The following AKAP19 variants were observed in gnomAD, a reference collection of about 807,000 sequenced individuals.
The protein encoded by AKAP19 is small A-kinase anchoring protein.
the AKAP19 span, among the ~76,000 whole-genome samples, chr2:189,893,053 C>G: frequency 6.6e-6 from 1 of 152,180 alleles, no homozygotes; most frequent in Non-Finnish European, 1.5e-5. Context: ...ATCGCCTACT[C>G]AAGCCTCAGT....
chr2:190,121,810 G>A, the AKAP19 span, among the ~76,000 whole-genome samples: 1 of 152,202 alleles, frequency 6.6e-6, no homozygotes, highest in Non-Finnish European at 1.5e-5. Context: ...AGAGCAGTAA[G>A]TATGTACTTA....
At chr2:190,162,790 A>G in the AKAP19 span, among the ~76,000 whole-genome samples, 1 of 151,258 alleles carries the variant, frequency 6.6e-6, no homozygotes, top group African/African-American at 2.5e-5. Context: ...CTTTGAGCAC[A>G]TGGAAGCAAT....
chr2:189,985,442 T>C, the AKAP19 span, among the ~76,000 whole-genome samples: 104,810 of 152,048 alleles, frequency 0.69, 37,068 homozygotes, highest in East Asian at 0.87. Context: ...CTTCAGCTGG[T>C]TGCAGAAGAA....
the AKAP19 span, among the ~76,000 whole-genome samples, chr2:190,135,014 C>T: frequency 3.3e-5 from 5 of 152,248 alleles, no homozygotes; most frequent in South Asian, 1.0e-3. Flanking sequence ...ACAGGGTCTT[C>T]ACTGAAGGCA....
the AKAP19 span, among the ~76,000 whole-genome samples, chr2:189,912,338 C>T: frequency 1.3e-5 from 2 of 151,960 alleles, no homozygotes; most frequent in African/African-American, 2.4e-5. Context: ...GCCAGGAGTT[C>T]GAGACCAGCC....
chr2:190,143,202 G>T, the AKAP19 span, among the ~76,000 whole-genome samples: 1 of 147,404 alleles, frequency 6.8e-6, no homozygotes, highest in South Asian at 2.2e-4. Context: ...ATAGTCTCTA[G>T]TCATGTGTAA....
the AKAP19 span, chr2:190,062,328 A>C: frequency 6.2e-7 from 1 of 1,613,382 alleles, no homozygotes. Context: ...CTGATCAATC[A>C]GTTCCCGGAG....
chr2:189,913,537 G>C, the AKAP19 span, among the ~76,000 whole-genome samples: 2 of 152,050 alleles, frequency 1.3e-5, no homozygotes, highest in African/African-American at 4.8e-5. Flanking sequence ...TTGTCATGCT[G>C]TAGGGAAGTG....
At chr2:190,047,632 A>G in the AKAP19 span, among the ~76,000 whole-genome samples, 423 of 152,340 alleles carry the variant, frequency 2.8e-3, 3 homozygotes, top group Middle Eastern at 0.024. Context: ...CTTGAACTCA[A>G]TGAATGGGTG....
chr2:189,989,291 GA>G, the AKAP19 span, among the ~76,000 whole-genome samples: 42 of 150,776 alleles, frequency 2.8e-4, no homozygotes, highest in Middle Eastern at 3.4e-3. Context: ...AAAAAAAAAG[GA>G]AAAAAAGGAG....
the AKAP19 span, among the ~76,000 whole-genome samples, chr2:190,049,881 T>TAA: frequency 2.0e-5 from 3 of 152,350 alleles, no homozygotes; most frequent in Admixed American, 6.5e-5. Flanking sequence ...ATATATCTAC[T>TAA]AAATCAATTG....
the AKAP19 span, chr2:189,923,922 C>A: frequency 6.3e-5 from 102 of 1,611,126 alleles, no homozygotes; most frequent in Non-Finnish European, 7.6e-5. Flanking sequence ...AAAGTGGATT[C>A]TTTCCTGGAA....
chr2:190,192,507 T>C, the AKAP19 span, among the ~76,000 whole-genome samples: 1 of 151,744 alleles, frequency 6.6e-6, no homozygotes, highest in Non-Finnish European at 1.5e-5. Flanking sequence ...TATATCTATA[T>C]ATATAAAACA....
the AKAP19 span, among the ~76,000 whole-genome samples, chr2:189,983,617 C>T: frequency 6.6e-6 from 1 of 152,194 alleles, no homozygotes; most frequent in Non-Finnish European, 1.5e-5. Context: ...TGGTGCTGCA[C>T]TTGCATTTCC....
chr2:190,012,059 T>A, the AKAP19 span, among the ~76,000 whole-genome samples: 1 of 152,224 alleles, frequency 6.6e-6, no homozygotes, highest in Non-Finnish European at 1.5e-5. Context: ...ATTCTTCCAA[T>A]CCATGAACAT....
At chr2:190,038,701 T>C in the AKAP19 span, among the ~76,000 whole-genome samples, 2 of 152,180 alleles carry the variant, frequency 1.3e-5, no homozygotes, top group Admixed American at 1.3e-4. Context: ...CCCAATATAC[T>C]AGGTGGTGCT....
the AKAP19 span, among the ~76,000 whole-genome samples, chr2:190,058,507 A>G: frequency 3.3e-5 from 5 of 151,992 alleles, no homozygotes; most frequent in African/African-American, 4.8e-5. Flanking sequence ...TATATAAAGG[A>G]AACTAGATCA....
At chr2:190,057,404 G>T in the AKAP19 span, 15 of 1,613,594 alleles carry the variant, frequency 9.3e-6, no homozygotes, top group South Asian at 1.6e-4. Flanking sequence ...TTTGCTTGGT[G>T]TACCAGATGA....
At chr2:190,079,175 T>C in the AKAP19 span, 2 of 152,198 alleles carry the variant, frequency 1.3e-5, no homozygotes, top group Non-Finnish European at 2.9e-5. Context: ...AAGGCAGAAC[T>C]CTTGATTTAT....
Sources: gnomAD v4.1 joint callset for allele counts (sites outside exome capture counted in the v4.1 genomes callset) on GRCh38, gnomAD v4.1.1 for gene constraint, MANE v1.5 for transcripts, NCBI Gene and HGNC (gene_info 2026-07-23, HGNC 2026-07-21) for gene names.